The following RETREG1 variants were observed in gnomAD, a reference collection of about 807,000 sequenced individuals.
The protein encoded by RETREG1 is family with sequence similarity 134 member B.
Under a neutral mutation model 54.8 loss-of-function variants are expected in RETREG1, and 44 were observed. That is an observed-to-expected ratio of 0.80 (90% CI 0.63 to 1.03). RETREG1 has a LOEUF of 1.03. Among genes scored for constraint, RETREG1 ranks in the 50% least tolerant of loss-of-function variants. RETREG1 has a pLI of 0.00. For synonymous variants in RETREG1, 217 were observed against 238.5 expected, an observed-to-expected ratio of 0.91 and a Z score of 0.83; for missense variants, 554 against 605.1, an observed-to-expected ratio of 0.92 and a Z score of 0.89.
intron 1 of RETREG1, among the ~76,000 whole-genome samples, chr5:16,599,257 T>C (rs1475595562): frequency 1.3e-5 from 2 of 152,178 alleles, no homozygotes; most frequent in African/African-American, 4.8e-5. Flanking sequence ...AGAAATGCTG[T>C]AATGAAATGC....
At chr5:16,565,219 C>T (rs181134426) in intron 3 of RETREG1, among the ~76,000 whole-genome samples, 1 of 152,076 alleles carries the variant, frequency 6.6e-6, no homozygotes, top group African/African-American at 2.4e-5. Context: ...GAATGATGGA[C>T]CTTCCATAAA....
chr5:16,529,821 A>G (rs1457768745), intron 3 of RETREG1, among the ~76,000 whole-genome samples: 2 of 152,186 alleles, frequency 1.3e-5, no homozygotes, highest in Admixed American at 1.3e-4. Flanking sequence ...CTTTTGGTAC[A>G]TAAGTACCAC....
intron 1 of RETREG1, among the ~76,000 whole-genome samples, chr5:16,615,233 TA>T (rs567382688): frequency 1.3e-5 from 2 of 150,926 alleles, no homozygotes; most frequent in Admixed American, 6.6e-5. Flanking sequence ...CCGTCTCTAC[TA>T]AAAAAAATAC....
In RETREG1 at chr5:16,477,655, A is replaced by G. The variant is rs1294911398; in HGVS notation, c.1000+7T>C. ...AAAAATAAATGTCTCCAGAAATATT[A>G]GCATACCATCAGAAGTGTCTGTCTG... On this transcript the variant is annotated splice_region_variant and intron_variant, in intron 8 of 8. Transcript: ENST00000306320. 1.2e-6 allele frequency: 2 copies of G among 1,612,514 alleles called. No individual in the cohort carries two copies. Among genetic ancestry groups the G allele is most frequent in the South Asian group, 2.2e-5 (2 of 91,060 alleles).
At chr5:16,522,407 C>T (rs928226855) in intron 3 of RETREG1, among the ~76,000 whole-genome samples, 1 of 152,128 alleles carries the variant, frequency 6.6e-6, no homozygotes, top group Non-Finnish European at 1.5e-5. Flanking sequence ...TTCAGGCCAC[C>T]TCAGGATTCC....
intron 3 of RETREG1, among the ~76,000 whole-genome samples, chr5:16,562,256 A>G (rs1741875275): frequency 6.6e-6 from 1 of 152,206 alleles, no homozygotes; most frequent in Non-Finnish European, 1.5e-5. Flanking sequence ...CGGAGGTTGC[A>G]GTGAGCTGAG....
intron 3 of RETREG1, among the ~76,000 whole-genome samples, chr5:16,507,821 C>T (rs1024816388): frequency 3.3e-5 from 5 of 152,138 alleles, no homozygotes; most frequent in Non-Finnish European, 7.4e-5. Context: ...TGTCCAACTC[C>T]TTTTCTTGTT....
In RETREG1 at chr5:16,616,700, C is replaced by T; in HGVS notation, c.272G>A (p.Arg91Lys). 1 of 1,594,212 alleles carries T rather than the reference C, an allele frequency of 6.3e-7. No individual in the cohort carries two copies. The highest frequency in any genetic ancestry group is 1.7e-5 in the Admixed American group (1 of 59,342). Reference sequence around the variant, plus strand: ...GAAGCCGAGCAGGCTCCGCAGCGGCCTCTTCCAGCTCAGCAGCTCGTCGGC... The same window carrying T: ...GAAGCCGAGCAGGCTCCGCAGCGGCTTCTTCCAGCTCAGCAGCTCGTCGGC... ...CRADELLSWK[R>K]PLRSLLGFVA... Residue 91 changes from arginine (R) to lysine (K), a missense_variant, in exon 1 of 9, where the codon AGG (arginine) becomes AAG (lysine). By Grantham distance (26) the Arg-to-Lys change is conservative (BLOSUM62 2). Transcript: ENST00000306320.
intron 3 of RETREG1, among the ~76,000 whole-genome samples, chr5:16,533,878 G>A (rs529924219): frequency 2.0e-5 from 3 of 152,180 alleles, no homozygotes; most frequent in Admixed American, 1.3e-4. Flanking sequence ...TGGATGTATC[G>A]ACCACCGTCC....
In RETREG1 at chr5:16,616,791, C is replaced by T. The variant is rs1328776195; in HGVS notation, c.181G>A (p.Ala61Thr). ...EGAGLQVEEA[A>T]GRAAAAVTWL... is the part of the protein sequence containing the mutation. ...GTTACCGCGGCCGCCGCCCGGCCCG[C>T]GGCCTCCTCCACCTGCAACCCCGCG... Residue 61 changes from alanine to threonine, a missense_variant, in exon 1 of 9, where the codon GCG becomes ACG. Ala to Thr is a moderately conservative substitution (Grantham distance 58). Transcript: ENST00000306320. The T allele has an allele frequency of 6.5e-7, 1 of 1,528,728 alleles. No individual in the cohort carries two copies. The highest frequency in any genetic ancestry group is 2.0e-5 in the Admixed American group (1 of 50,650). 94.7% of individuals were successfully genotyped at this position (1,528,728 alleles called of 1,614,324 possible). A position where few individuals can be genotyped will look rare whatever the true frequency, so the allele number is the denominator to read the frequency against.
chr5:16,488,323 C>G (rs1348998840), intron 3 of RETREG1, among the ~76,000 whole-genome samples: 1 of 152,142 alleles, frequency 6.6e-6, no homozygotes, highest in Non-Finnish European at 1.5e-5. Context: ...GGATGAGAAA[C>G]CAATAAGGGA....
chr5:16,586,506 T>C (rs1200680119), intron 1 of RETREG1, among the ~76,000 whole-genome samples: 3 of 152,136 alleles, frequency 2.0e-5, no homozygotes, highest in Admixed American at 6.5e-5. Context: ...TTTTTAGAAA[T>C]TGCAGATTCC....
At position 16,527,917 on chromosome 5, in the gene RETREG1, C is replaced by T. The variant is rs142591871; in HGVS notation, c.458+37846G>A. ...CTCCGCCTCCTGGGTTCATGCCATT[C>T]TCCAGCCTCAGCCTCCCGAGTAGCT... On this transcript the variant is annotated intron_variant, in intron 3 of 8. Coordinates refer to ENST00000306320, the MANE Select transcript of RETREG1 (RefSeq NM_001034850.3). Among the ~76,000 whole-genome samples, 1,422 of 146,510 alleles carry T rather than the reference C, an allele frequency of 9.7e-3. 19 individuals carry two copies. The highest frequency in any genetic ancestry group is 0.033 in the African/African-American group (1,311 of 39,554).
In RETREG1 at chr5:16,478,962, C is replaced by T. The variant is rs1561078335; in HGVS notation, c.696G>A (p.Leu232=). ...LLLLCAFLCP[L]FKCNDIGQKI... ...TTTGTCCAATATCATTACATTTAAA[C>T]AATGGACACAAAAATGCACACAGTA... The change falls in exon 6 of 9, where the codon TTG becomes TTA. Residue 232 remains leucine (L), a synonymous_variant. Coordinates refer to ENST00000306320, the MANE Select transcript of RETREG1 (RefSeq NM_001034850.3). The T allele has an allele frequency of 6.2e-7, 1 of 1,611,948 alleles. No individual in the cohort carries two copies. The highest frequency in any genetic ancestry group is 1.1e-5 in the South Asian group (1 of 91,006).
chr5:16,569,051 C>T (rs1377853444), intron 2 of RETREG1, among the ~76,000 whole-genome samples: 1 of 152,150 alleles, frequency 6.6e-6, no homozygotes, highest in Non-Finnish European at 1.5e-5. Flanking sequence ...GTTACCGTAA[C>T]TGCATCTGGA....
intron 3 of RETREG1, 132 bp from the exon 4 acceptor site, chr5:16,483,604 G>A: frequency 1.1e-6 from 1 of 892,282 alleles, no homozygotes; most frequent in South Asian, 1.4e-5. Context: ...AATTCAGAAG[G>A]GAACTATCCA....
At chr5:16,529,369 C>T (rs562816010) in intron 3 of RETREG1, among the ~76,000 whole-genome samples, 38 of 152,230 alleles carry the variant, frequency 2.5e-4, no homozygotes, top group African/African-American at 9.2e-4. Context: ...GAATGGGGAA[C>T]GTTGTTTTTT....
chr5:16,606,392 T>G (rs895893361), intron 1 of RETREG1, among the ~76,000 whole-genome samples: 7 of 152,072 alleles, frequency 4.6e-5, no homozygotes, highest in African/African-American at 1.7e-4. Flanking sequence ...ATTTCACACG[T>G]TCCCAAGGCT....
chr5:16,540,962 C>T lies in RETREG1; in HGVS notation c.458+24801G>A, dbSNP rs988896255. ...TGGATTCAGTCAACTGACAGGTAAA[C>T]AAGTACTTATTACGCACCAGCACCA... On this transcript the variant is annotated intron_variant, in intron 3 of 8. Transcript: ENST00000306320. 5.3e-4 allele frequency among the ~76,000 whole-genome samples: 80 copies of T among 152,188 alleles called. 1 individual carries two copies. Among genetic ancestry groups the T allele is most frequent in the African/African-American group, 1.9e-3 (79 of 41,432 alleles).
Sources: gnomAD v4.1 joint callset for allele counts (sites outside exome capture counted in the v4.1 genomes callset) on GRCh38, gnomAD v4.1.1 for gene constraint, MANE v1.5 for transcripts, NCBI Gene and HGNC (gene_info 2026-07-23, HGNC 2026-07-21) for gene names.